The following MYB variants were observed in gnomAD, a reference collection of about 807,000 sequenced individuals.
The protein encoded by MYB is transcriptional activator Myb.
In MYB, 28 loss-of-function variants were observed where a neutral mutation model predicts 92.9. The observed-to-expected ratio is 0.30, with a 90% CI of 0.22 to 0.41. MYB has a LOEUF of 0.41. MYB is among the 10% of genes least tolerant of loss of function. The probability of loss-of-function intolerance (pLI) is 1.00; values close to 1 mark genes in which losing one functional copy is unlikely to be tolerated. For missense variants in MYB, 679 were observed against 929.3 expected (o/e 0.73, Z 3.50); for synonymous variants, 295 against 329.1 (o/e 0.90, Z 1.12).
At position 135,186,037 on chromosome 6, in the gene MYB, T is replaced by C; in HGVS notation, c.141+17T>C. The C allele has an allele frequency of 6.3e-7, 1 of 1,599,398 alleles. No homozygotes were observed. The highest frequency in any genetic ancestry group is 1.1e-5 in the South Asian group (1 of 90,758). ...CGGGAAGAGGTAACTAATCATTTTA[T>C]CAAGACGCAGAAAATAGATAGAGTG... On this transcript the variant is annotated intron_variant, in intron 2 of 15. Coordinates refer to ENST00000341911, the MANE Select transcript of MYB (RefSeq NM_001130173.2).
chr6:135,181,398 C>T lies in MYB; in HGVS notation c.-116C>T. The T allele has an allele frequency of 4.7e-6, 3 of 633,284 alleles. No homozygotes were observed. Among genetic ancestry groups the T allele is most frequent in the Non-Finnish European group, 6.2e-6 (3 of 487,760 alleles). 39.2% of individuals were successfully genotyped at this position (633,284 alleles called of 1,614,324 possible). On this transcript the variant is annotated 5_prime_UTR_variant, in exon 1 of 16. Coordinates refer to ENST00000341911, the MANE Select transcript of MYB (RefSeq NM_001130173.2). The surrounding 1 kb of genome is among the most constrained non-coding windows in gnomAD (Gnocchi z 5.3). ...TTTCTCCTGAGAAACTTCGCCCCAG[C>T]GGTGCGGAGCGCCGCTGCGCAGCCG...
intron 15 of MYB, among the ~76,000 whole-genome samples, chr6:135,207,369 A>G (rs1218941470): frequency 6.6e-6 from 1 of 152,250 alleles, no homozygotes; most frequent in Non-Finnish European, 1.5e-5. Context: ...TTGATTGTCT[A>G]TCCCTCTAAA....
In MYB at chr6:135,218,073, A is replaced by G; in HGVS notation, c.*93A>G. On this transcript the variant is annotated 3_prime_UTR_variant, in exon 16 of 16. Coordinates refer to ENST00000341911, the MANE Select transcript of MYB (RefSeq NM_001130173.2). ...ACATGAAACTTTTCATGAATGGGAG[A>G]AGAACCTATTTTTGTTGTGGTACAA... 1 of 995,296 alleles carries G rather than the reference A, an allele frequency of 1.0e-6. No homozygotes were observed. Among genetic ancestry groups the G allele is most frequent in the Non-Finnish European group, 1.6e-6 (1 of 626,324 alleles). The allele number at this position is 995,296 out of a possible 1,614,324, so 61.7% of individuals were successfully genotyped here.
rs1247217553 is a variant in MYB, at chr6:135,190,888, C to T, written c.527+541C>T. Among the ~76,000 whole-genome samples the T allele has an allele frequency of 2.6e-5, 4 of 152,050 alleles. No individual in the cohort carries two copies. The highest frequency in any genetic ancestry group is 9.7e-5 in the African/African-American group (4 of 41,382). ...CATAGCTCAATACATCCTTGAACTC[C>T]TGGGCTCAAGGGATCCTCCCACCTC... On this transcript the variant is annotated intron_variant, in intron 5 of 15. Coordinates refer to ENST00000341911, the MANE Select transcript of MYB (RefSeq NM_001130173.2). This position sits in a 1 kb window ranked among gnomAD's most constrained non-coding sequence, Gnocchi z 4.5.
chr6:135,214,102 C>T (rs210943), intron 15 of MYB, among the ~76,000 whole-genome samples: 55,381 of 151,636 alleles, frequency 0.37, 10,116 homozygotes, highest in East Asian at 0.4. Context: ...GCGAGACCCC[C>T]GCTCTCTACA....
intron 15 of MYB, among the ~76,000 whole-genome samples, chr6:135,206,302 G>T (rs1203973116): frequency 1.3e-5 from 2 of 151,570 alleles, no homozygotes; most frequent in Non-Finnish European, 2.9e-5. Flanking sequence ...GGAGGCTAGG[G>T]CAGGAGGATC....
intron 15 of MYB, among the ~76,000 whole-genome samples, chr6:135,212,620 C>T (rs1420587835): frequency 1.3e-5 from 2 of 152,162 alleles, no homozygotes; most frequent in Non-Finnish European, 2.9e-5. Context: ...AGCGAGATGA[C>T]TCCCCGGCCA....
intron 9 of MYB, 52 bp from the exon 10 acceptor site, chr6:135,196,909 G>T: frequency 1.3e-6 from 2 of 1,589,364 alleles, no homozygotes; most frequent in Non-Finnish European, 8.5e-7. Context: ...GCTGTTTCAG[G>T]TGATGATGGC....
chr6:135,186,121 G>A (rs1007448919), intron 2 of MYB, 101 bp downstream of exon 2: 4 of 929,412 alleles, frequency 4.3e-6, no homozygotes, highest in Non-Finnish European at 6.7e-6. Context: ...TCATTAGCAG[G>A]CTCCTTGAGA....
intron 8 of MYB, chr6:135,194,710 C>T: frequency 3.5e-6 from 2 of 566,704 alleles, no homozygotes; most frequent in Middle Eastern, 4.6e-4. Context: ...CAATTTTTTT[C>T]TTCAGAAGGA....
rs989706100 is a variant in MYB at position 135,215,447 on chromosome 6, C to T, written c.2170-2417C>T. Among the ~76,000 whole-genome samples the T allele has an allele frequency of 6.7e-5, 10 of 149,684 alleles. No homozygotes were observed. In the Middle Eastern group the frequency reaches 0.014, roughly 204 times the overall value. ...CATTCTTGCTCCATCATTTCTTACC[C>T]AGGTAACCTTGAGTATGGCGCCTAA... is the stretch of plus-strand genomic sequence containing the variant. On this transcript the variant is annotated intron_variant, in intron 15 of 15. Transcript: ENST00000341911.
intron 14 of MYB, chr6:135,202,923 A>G (rs1446156874): frequency 1.6e-6 from 1 of 618,460 alleles, no homozygotes; most frequent in Non-Finnish European, 3.0e-6. Flanking sequence ...TTTGAAAGGC[A>G]TGTATTTATT....
intron 6 of MYB, among the ~76,000 whole-genome samples, chr6:135,192,791 G>C (rs1776785370): frequency 6.6e-6 from 1 of 152,218 alleles, no homozygotes; most frequent in African/African-American, 2.4e-5. Context: ...ACAGCTCATA[G>C]AGATAGTGCT....
chr6:135,210,874 G>T (rs1779612621), intron 15 of MYB, among the ~76,000 whole-genome samples: 1 of 152,182 alleles, frequency 6.6e-6, no homozygotes, highest in South Asian at 2.1e-4. Flanking sequence ...TGAAATGCAG[G>T]CAAGGAGCCC....
intron 9 of MYB, 67 bp downstream of exon 9, chr6:135,196,069 C>A: frequency 6.6e-7 from 1 of 1,514,668 alleles, no homozygotes; most frequent in Non-Finnish European, 9.0e-7. Context: ...TTTCTTAAAT[C>A]ATTGCCATTT....
At chr6:135,186,716 C>T (rs987456580) in intron 2 of MYB, among the ~76,000 whole-genome samples, 2 of 152,198 alleles carry the variant, frequency 1.3e-5, no homozygotes, top group Non-Finnish European at 1.5e-5. Flanking sequence ...TGGATGGAGA[C>T]ACATCTGCTT....
intron 15 of MYB, among the ~76,000 whole-genome samples, chr6:135,210,807 C>T (rs1260068968): frequency 6.6e-6 from 1 of 152,230 alleles, no homozygotes; most frequent in African/African-American, 2.4e-5. Context: ...TGGCGGCACA[C>T]TTGCCACTAT....
Position 135,190,228 on chromosome 6 carries a change from C to T in MYB, c.408C>T (p.Asn136=). 1 of 1,614,096 alleles carries T rather than the reference C, an allele frequency of 6.2e-7. No individual in the cohort carries two copies. Among genetic ancestry groups the T allele is most frequent in the Non-Finnish European group, 8.5e-7 (1 of 1,180,014 alleles). ...IGKQCRERWH[N]HLNPEVKKTS... ...AACAATGTAGGGAGAGGTGGCATAA[C>T]CACTTGAATCCAGAAGTTAAGAAAA... Residue 136 remains asparagine, a synonymous_variant, in exon 5 of 16, where the codon AAC becomes AAT. Transcript: ENST00000341911. The surrounding 1 kb of genome is among the most constrained non-coding windows in gnomAD (Gnocchi z 4.5).
chr6:135,215,007 G>A (rs1028842704), intron 15 of MYB, among the ~76,000 whole-genome samples: 1 of 152,192 alleles, frequency 6.6e-6, no homozygotes, highest in African/African-American at 2.4e-5. Flanking sequence ...AAAATATTAT[G>A]ATAATCCATC....
Sources: gnomAD v4.1 joint callset for allele counts (sites outside exome capture counted in the v4.1 genomes callset) on GRCh38, gnomAD v4.1.1 for gene constraint, Gnocchi (gnomAD v3.1) non-coding constraint, MANE v1.5 for transcripts, NCBI Gene and HGNC (gene_info 2026-07-23, HGNC 2026-07-21) for gene names.